Variants in VPS13B observed in about 807,000 individuals in gnomAD.
The protein encoded by VPS13B is vacuolar protein sorting 13 homolog B, also known as intermembrane lipid transfer protein VPS13B.
Under a neutral mutation model 426.4 loss-of-function variants are expected in VPS13B, and 285 were observed. The ratio of observed to expected loss-of-function variants is 0.67; its 90% CI spans 0.61 to 0.74. VPS13B has a LOEUF of 0.74. VPS13B is among the 30% of genes least tolerant of loss of function. VPS13B has a pLI of 0.00. For missense variants in VPS13B, 4,537 were observed against 4,782.6 expected (o/e 0.95, Z 1.51); for synonymous variants, 1,676 against 1,676.4 (o/e 1.00, Z 0.01).
intron 19 of VPS13B, chr8:99,341,077 T>C: frequency 3.7e-6 from 1 of 273,416 alleles, no homozygotes. Context: ...TAATCAAAGG[T>C]TATTCTTAAC....
At chr8:99,319,707 A>G (rs917033865) in intron 19 of VPS13B, among the ~76,000 whole-genome samples, 5 of 152,222 alleles carry the variant, frequency 3.3e-5, no homozygotes, top group Non-Finnish European at 7.3e-5. Flanking sequence ...GAGAAAGTCT[A>G]CAGGCAAGAG....
intron 36 of VPS13B, among the ~76,000 whole-genome samples, chr8:99,708,490 A>G (rs1339879125): frequency 6.6e-6 from 1 of 151,602 alleles, no homozygotes; most frequent in African/African-American, 2.4e-5. Flanking sequence ...TTGTTTTTCC[A>G]TTTTCTTATG....
At chr8:99,674,380 A>G (rs189216191) in intron 35 of VPS13B, among the ~76,000 whole-genome samples, 133 of 152,216 alleles carry the variant, frequency 8.7e-4, no homozygotes, top group African/African-American at 3.1e-3. Flanking sequence ...AAAGTATGAT[A>G]TAAGTATAGC....
At chr8:99,633,806 G>GATGTGT (rs1828949324) in intron 33 of VPS13B, among the ~76,000 whole-genome samples, 1 of 143,876 alleles carries the variant, frequency 7.0e-6, no homozygotes, top group African/African-American at 2.6e-5. Context: ...GAATGTGTCA[G>GATGTGT]GTGTGTGTGT....
chr8:99,335,754 C>T (rs1810813468), intron 19 of VPS13B, among the ~76,000 whole-genome samples: 1 of 152,106 alleles, frequency 6.6e-6, no homozygotes, highest in Non-Finnish European at 1.5e-5. Flanking sequence ...TGAGTGAACT[C>T]CCACTCACAA....
chr8:99,157,135 CTT>C (rs375741144), intron 15 of VPS13B, among the ~76,000 whole-genome samples: 1 of 152,186 alleles, frequency 6.6e-6, no homozygotes, highest in African/African-American at 2.4e-5. Context: ...GGGCCTAAAA[CTT>C]TTTTATGTCA....
intron 28 of VPS13B, among the ~76,000 whole-genome samples, chr8:99,509,864 A>G (rs916600038): frequency 1.3e-5 from 2 of 152,168 alleles, no homozygotes; most frequent in Non-Finnish European, 2.9e-5. Flanking sequence ...TTCAAGTGAC[A>G]TTCTTTTTGT....
At chr8:99,855,044 A>G (rs1816475675) in intron 56 of VPS13B, among the ~76,000 whole-genome samples, 1 of 152,256 alleles carries the variant, frequency 6.6e-6, no homozygotes, top group South Asian at 2.1e-4. Context: ...TGGTTTGAAC[A>G]TGCATACAAA....
chr8:99,758,297 G>A (rs1485523707), intron 39 of VPS13B, among the ~76,000 whole-genome samples: 4 of 152,182 alleles, frequency 2.6e-5, no homozygotes, highest in African/African-American at 9.7e-5. Flanking sequence ...GTTGGGCAAT[G>A]TCAACTTCTA....
intron 39 of VPS13B, among the ~76,000 whole-genome samples, chr8:99,730,129 G>A (rs1369097021): frequency 6.6e-6 from 1 of 152,188 alleles, no homozygotes; most frequent in South Asian, 2.1e-4. Flanking sequence ...CCAGAATCCT[G>A]AGCCTTTTTA....
chr8:99,119,583 T>C (rs957115212), intron 7 of VPS13B: 6 of 152,168 alleles, frequency 3.9e-5, no homozygotes, highest in Non-Finnish European at 7.3e-5. Context: ...ATAAAACTTA[T>C]TCTGAACTAC....
intron 24 of VPS13B, among the ~76,000 whole-genome samples, chr8:99,472,938 A>G (rs1819489688): frequency 2.6e-5 from 4 of 152,112 alleles, no homozygotes; most frequent in Admixed American, 2.6e-4. Context: ...TCATTGGAAA[A>G]GAATTCCATC....
intron 42 of VPS13B, 136 bp from the exon 43 acceptor site, chr8:99,784,179 T>C: frequency 2.8e-6 from 3 of 1,056,002 alleles, no homozygotes; most frequent in Non-Finnish European, 4.4e-6. Flanking sequence ...CAGTATAGAA[T>C]ACTTTGTATA....
chr8:99,490,415 T>C (rs1820542756), intron 25 of VPS13B, among the ~76,000 whole-genome samples: 1 of 152,206 alleles, frequency 6.6e-6, no homozygotes, highest in Non-Finnish European at 1.5e-5. Flanking sequence ...GCTGGCCTTA[T>C]AAAATGAGTT....
chr8:99,509,877 G>A (rs565999751), intron 28 of VPS13B, among the ~76,000 whole-genome samples: 7 of 152,144 alleles, frequency 4.6e-5, no homozygotes, highest in East Asian at 1.9e-4. Context: ...CTTTTTGTAC[G>A]TTGAGGAATA....
chr8:99,734,684 G>T (rs879316021), intron 39 of VPS13B, among the ~76,000 whole-genome samples: 7 of 152,146 alleles, frequency 4.6e-5, no homozygotes, highest in Admixed American at 4.6e-4. Flanking sequence ...ACAGAGGAAA[G>T]GATGAATCAG....
intron 31 of VPS13B, 51 bp downstream of exon 31, chr8:99,556,704 A>G: frequency 6.3e-7 from 1 of 1,582,368 alleles, no homozygotes; most frequent in Non-Finnish European, 8.6e-7. Context: ...TCATTGCCAG[A>G]ATAGTTGGTG....
rs4735634 is a variant in VPS13B, at chr8:99,699,268, G to A, written c.6047-257G>A. On this transcript the variant is annotated intron_variant, in intron 35 of 61. Transcript: ENST00000357162. ...GCCTTGATATCCTTGTGTGGCCCTC[G>A]ATGTATCAGGGCCACACATGTCACA... Among the ~76,000 whole-genome samples, 6,277 of 150,976 alleles carry A rather than the reference G, an allele frequency of 0.042. 145 individuals are homozygous for A. The highest frequency in any genetic ancestry group is 0.057 in the East Asian group (288 of 5,072).
At chr8:99,274,759 A>G (rs1818805879) in intron 18 of VPS13B, among the ~76,000 whole-genome samples, 1 of 152,070 alleles carries the variant, frequency 6.6e-6, no homozygotes, top group East Asian at 1.9e-4. Context: ...TTTAAAAACC[A>G]TTTGTGATTT....
Sources: allele counts gnomAD v4.1 joint callset (sites outside exome capture counted in the v4.1 genomes callset), GRCh38; gene constraint gnomAD v4.1.1; transcripts MANE v1.5; gene names NCBI Gene and HGNC (gene_info 2026-07-23, HGNC 2026-07-21).